The following PCAT7 variants were observed in gnomAD, a reference collection of about 807,000 sequenced individuals.
PCAT7 encodes the protein prostate cancer associated transcript 7.
intron 2 of PCAT7, among the ~76,000 whole-genome samples, chr9:94,571,960 C>T (rs1266695056): frequency 1.3e-5 from 2 of 152,114 alleles, no homozygotes; most frequent in Non-Finnish European, 2.9e-5. Flanking sequence ...CAGTGTCTCA[C>T]TCTGCACACT....
At chr9:94,556,099 G>T (rs1437219458) in intron 1 of PCAT7, among the ~76,000 whole-genome samples, 1 of 150,336 alleles carries the variant, frequency 6.7e-6, no homozygotes, top group Non-Finnish European at 1.5e-5. Flanking sequence ...AAGGAGAGTG[G>T]CAAGGAGGAG....
chr9:94,563,733 C>CGG (rs1554745572), intron 2 of PCAT7, among the ~76,000 whole-genome samples: 3 of 151,706 alleles, frequency 2.0e-5, no homozygotes, highest in Non-Finnish European at 2.9e-5. Context: ...GCTAAACAAA[C>CGG]AAAGAAAAAG....
intron 1 of PCAT7, among the ~76,000 whole-genome samples, chr9:94,557,312 G>C (rs1827026326): frequency 6.6e-6 from 1 of 152,124 alleles, no homozygotes; most frequent in Non-Finnish European, 1.5e-5. Flanking sequence ...GATCGCATTG[G>C]GTGATATAGA....
At chr9:94,555,183 T>A (rs1378689702) in exon 1 of PCAT7, 1 of 152,046 alleles carries the variant, frequency 6.6e-6, no homozygotes, top group Non-Finnish European at 1.5e-5. Context: ...AGCTGCTCAG[T>A]GCCCGGCTTA....
At chr9:94,560,437 C>A (rs1214612419) in intron 2 of PCAT7, among the ~76,000 whole-genome samples, 1 of 152,166 alleles carries the variant, frequency 6.6e-6, no homozygotes, top group Non-Finnish European at 1.5e-5. Context: ...ACACCCCCAT[C>A]ACCTTAGATT....
chr9:94,556,104 G>T lies in PCAT7; in HGVS notation n.257+794G>T, dbSNP rs535175335. ...TGGAGAAGGGAAGGAGAGTGGCAAG[G>T]AGGAGCCGGGGGAAAGACGATGAGG... On this transcript the variant is annotated intron_variant and non_coding_transcript_variant, in intron 1 of 8. Transcript: ENST00000647389. 5.9e-5 allele frequency among the ~76,000 whole-genome samples: 9 copies of T among 151,606 alleles called. No individual in the cohort carries two copies. The South Asian group carries it at 1.9e-3, about 32-fold the overall frequency.
At chr9:94,557,339 TAGTGCATGGACATGG>T (rs1191891763) in intron 1 of PCAT7, among the ~76,000 whole-genome samples, 1 of 152,260 alleles carries the variant, frequency 6.6e-6, no homozygotes, top group Non-Finnish European at 1.5e-5. Flanking sequence ...AACATTCTTC[TAGTGCATGGACATGG>T]GATATCTTTC....
intron 2 of PCAT7, among the ~76,000 whole-genome samples, chr9:94,566,059 T>C (rs1827185081): frequency 6.6e-6 from 1 of 152,252 alleles, no homozygotes; most frequent in African/African-American, 2.4e-5. Flanking sequence ...ACATGAATGC[T>C]CCTGCTTAAT....
chr9:94,556,901 G>A (rs1337569727), intron 1 of PCAT7, among the ~76,000 whole-genome samples: 1 of 152,194 alleles, frequency 6.6e-6, no homozygotes, highest in Non-Finnish European at 1.5e-5. Flanking sequence ...GTACATGTGG[G>A]TGTTGGGTTT....
intron 1 of PCAT7, chr9:94,558,792 G>A (rs1331721487): frequency 1.5e-5 from 11 of 732,418 alleles, no homozygotes; most frequent in East Asian, 8.3e-5. Flanking sequence ...CAAACCTGTC[G>A]TAAGCAGTTT....
chr9:94,563,255 G>T, intron 2 of PCAT7: 1 of 1,458,852 alleles, frequency 6.9e-7, no homozygotes. Context: ...CCATGAAGCA[G>T]TGCAGTAGCC....
At chr9:94,563,500 T>C (rs771742976) in intron 2 of PCAT7, 2 of 1,600,718 alleles carry the variant, frequency 1.2e-6, no homozygotes, top group East Asian at 4.5e-5. Flanking sequence ...TCCAGTGGCT[T>C]TCAGGATTAG....
intron 1 of PCAT7, among the ~76,000 whole-genome samples, chr9:94,556,587 G>C (rs902431885): frequency 1.3e-5 from 2 of 152,292 alleles, no homozygotes; most frequent in South Asian, 4.1e-4. Flanking sequence ...GATGTTTTGT[G>C]TATTAACCTC....
chr9:94,569,296 GTGCTTCC>G, intron 2 of PCAT7: 1 of 152,394 alleles, frequency 6.6e-6, no homozygotes, highest in Middle Eastern at 3.4e-3. Flanking sequence ...GACCACTGCC[GTGCTTCC>G]TGCTTCCTGG....
intron 2 of PCAT7, chr9:94,563,190 A>C (rs1387732620): frequency 3.7e-6 from 3 of 801,290 alleles, no homozygotes; most frequent in Middle Eastern, 3.8e-4. Context: ...CTGGAGACTC[A>C]CTCAAGGGAA....
upstream of PCAT7, among the ~76,000 whole-genome samples, chr9:94,554,866 C>T (rs1239246479): frequency 6.6e-6 from 1 of 152,184 alleles, no homozygotes. Flanking sequence ...TAGCTCCCCA[C>T]ACCCACACAT....
chr9:94,560,722 TATA>T (rs1343105574), intron 2 of PCAT7, among the ~76,000 whole-genome samples: 1 of 147,964 alleles, frequency 6.8e-6, no homozygotes, highest in Non-Finnish European at 1.5e-5. Flanking sequence ...TTATATATTA[TATA>T]ATATATATTT....
chr9:94,556,572 C>A (rs1322647649), intron 1 of PCAT7, among the ~76,000 whole-genome samples: 1 of 152,096 alleles, frequency 6.6e-6, no homozygotes, highest in East Asian at 1.9e-4. Context: ...AGTTTGAATT[C>A]TTTAGATGTT....
chr9:94,573,201 A>G (rs1466462513), intron 3 of PCAT7, among the ~76,000 whole-genome samples: 1 of 152,228 alleles, frequency 6.6e-6, no homozygotes, highest in Non-Finnish European at 1.5e-5. Flanking sequence ...ATGTAATGCT[A>G]GCTGTAGATG....
Sources: allele counts gnomAD v4.1 joint callset (sites outside exome capture counted in the v4.1 genomes callset), GRCh38; gene constraint gnomAD v4.1.1; transcripts MANE v1.5; gene names NCBI Gene and HGNC (gene_info 2026-07-23, HGNC 2026-07-21).